Variants in HPS5 observed in about 807,000 individuals in gnomAD.
The protein encoded by HPS5 is BLOC-2 complex member HPS5.
Under a neutral mutation model 128.0 loss-of-function variants are expected in HPS5, and 83 were observed. The observed-to-expected ratio is 0.65, with a 90% CI of 0.54 to 0.78. The LOEUF (loss-of-function observed/expected upper bound fraction) is 0.78. HPS5 is among the 30% of genes least tolerant of loss of function. HPS5 has a pLI of 0.00. For synonymous variants in HPS5, 475 were observed against 470.2 expected (o/e 1.01, Z -0.13); for missense variants, 1,281 against 1,326.2 (o/e 0.97, Z 0.53).
chr11:18,302,831 G>GGGGGGGGGGGGGGGGGA (rs1554940156), intron 8 of HPS5, among the ~76,000 whole-genome samples: 1 of 26,868 alleles, frequency 3.7e-5, no homozygotes, highest in African/African-American at 3.0e-4. Context: ...GCGGGGGGGG[G>GGGGGGGGGGGGGGGGGA]GGGGGTGTCA....
chr11:18,300,037 G>A (rs1261311831), intron 9 of HPS5, among the ~76,000 whole-genome samples: 1 of 152,156 alleles, frequency 6.6e-6, no homozygotes, highest in Non-Finnish European at 1.5e-5. Context: ...TAGCTAGATA[G>A]GAGGAATAAA....
chr11:18,319,752 A>G (rs542305224), intron 1 of HPS5, among the ~76,000 whole-genome samples: 1 of 152,330 alleles, frequency 6.6e-6, no homozygotes, highest in South Asian at 2.1e-4. Flanking sequence ...GGTGGGTGAT[A>G]TGAAAATGAG....
At position 18,300,843 on chromosome 11, in the gene HPS5, A is replaced by G. The variant is rs772846783; in HGVS notation, c.970T>C (p.Trp324Arg). 6 of 1,571,360 alleles carry G rather than the reference A, an allele frequency of 3.8e-6. No individual in the cohort carries two copies. The Admixed American group carries it at 8.3e-5, about 22-fold the overall frequency. ...FIPQNVQVLL[W>R]SEVKDIQDVA... ...ATATAATTACCTTTGACTTCACTCC[A>G]AAGAAGAACTTGAACATTCTGAGGA... Residue 324 changes from tryptophan (W) to arginine (R), a missense_variant, in exon 9 of 23, where the codon TGG becomes CGG. Coordinates refer to ENST00000349215, the MANE Select transcript of HPS5 (RefSeq NM_181507.2).
At chr11:18,293,907 A>C (rs980632620) in intron 14 of HPS5, among the ~76,000 whole-genome samples, 3 of 151,138 alleles carry the variant, frequency 2.0e-5, no homozygotes, top group African/African-American at 7.3e-5. Context: ...GCTGCATTAA[A>C]TGCCATGTCA....
chr11:18,309,131 T>C, intron 5 of HPS5, 52 bp from the exon 6 acceptor site: 6 of 1,523,318 alleles, frequency 3.9e-6, no homozygotes, highest in Non-Finnish European at 5.4e-6. Context: ...AACATACACA[T>C]GCAATCTCTT....
chr11:18,310,740 C>T lies in HPS5; in HGVS notation c.477+1G>A. 6.2e-7 allele frequency: 1 copy of T among 1,610,808 alleles called. No homozygotes were observed. The highest frequency in any genetic ancestry group is 8.5e-7 in the Non-Finnish European group (1 of 1,177,240). On this transcript the variant is annotated splice_donor_variant, in intron 5 of 22. Transcript: ENST00000349215. LOFTEE classifies it high-confidence loss of function. ...ACACAAAGAATGGGACTGCTTCTCACCTTTGCTTGTTTAGAAGTATTGAGT... is the reference window on the plus strand; with the variant it reads ...ACACAAAGAATGGGACTGCTTCTCATCTTTGCTTGTTTAGAAGTATTGAGT...
chr11:18,300,678 C>T (rs1861593346), intron 9 of HPS5, 150 bp downstream of exon 9: 1 of 532,498 alleles, frequency 1.9e-6, no homozygotes. Context: ...GCCTGGGTGA[C>T]AGAGCAAGAC....
chr11:18,309,858 C>T (rs1862768883), intron 5 of HPS5, among the ~76,000 whole-genome samples: 1 of 152,100 alleles, frequency 6.6e-6, no homozygotes, highest in Admixed American at 6.5e-5. Context: ...AAAAATTAGC[C>T]AGGCGTGGTG....
Position 18,310,836 on chromosome 11 carries a change from C to T in HPS5, c.382G>A (p.Ala128Thr), listed in dbSNP as rs931684460. 1 of 1,612,734 alleles carries T rather than the reference C, an allele frequency of 6.2e-7. No individual in the cohort carries two copies. Residue 128 changes from alanine (A) to threonine (T), a missense_variant, in exon 5 of 23, where the codon GCT (alanine) becomes ACT (threonine). Ala to Thr is a moderately conservative substitution (Grantham distance 58). Transcript: ENST00000349215. ...SSEHKGRRVT[A>T]LCWDTAILRV... Reference sequence around the variant, plus strand: ...AGAATAGCTGTATCCCAGCAGAGAGCTGTGACTCTTCGGCCTTTGTGTTCT... The same window carrying T: ...AGAATAGCTGTATCCCAGCAGAGAGTTGTGACTCTTCGGCCTTTGTGTTCT...
At chr11:18,315,474 G>T (rs966495147) in intron 2 of HPS5, among the ~76,000 whole-genome samples, 2 of 152,094 alleles carry the variant, frequency 1.3e-5, no homozygotes, top group African/African-American at 4.8e-5. Context: ...TTAGCCGGGC[G>T]TGGTGGCAGG....
At chr11:18,298,320 C>T (rs113886689) in intron 10 of HPS5, among the ~76,000 whole-genome samples, 99 of 151,744 alleles carry the variant, frequency 6.5e-4, no homozygotes, top group African/African-American at 2.4e-3. Flanking sequence ...GGTGAAACCC[C>T]GTCTCTACTA....
intron 2 of HPS5, among the ~76,000 whole-genome samples, chr11:18,315,413 G>A (rs1165415137): frequency 6.6e-6 from 1 of 152,084 alleles, no homozygotes; most frequent in Non-Finnish European, 1.5e-5. Flanking sequence ...AGGAGTTTGG[G>A]ACGAGCCTGG....
intron 15 of HPS5, 79 bp from the exon 16 acceptor site, chr11:18,292,098 C>G: frequency 9.1e-7 from 1 of 1,096,892 alleles, no homozygotes; most frequent in East Asian, 2.4e-5. Context: ...AATAAATTAA[C>G]CTAACCAATG....
chr11:18,317,674 T>G, intron 2 of HPS5, 77 bp downstream of exon 2: 3 of 1,396,284 alleles, frequency 2.1e-6, no homozygotes, highest in Non-Finnish European at 3.0e-6. Context: ...CCACAAAACG[T>G]TAAGGAACTG....
chr11:18,284,373 C>T (rs1191288954), intron 20 of HPS5, among the ~76,000 whole-genome samples: 1 of 152,238 alleles, frequency 6.6e-6, no homozygotes, highest in African/African-American at 2.4e-5. Flanking sequence ...GCATGTCCCA[C>T]TGCATTTTCC....
intron 1 of HPS5, among the ~76,000 whole-genome samples, chr11:18,318,908 CT>C (rs1278353734): frequency 1.3e-5 from 2 of 152,150 alleles, no homozygotes; most frequent in East Asian, 1.9e-4. Context: ...TGATAAAGTT[CT>C]AACCCTCATA....
chr11:18,286,942 A>C, intron 18 of HPS5: 31 of 605,582 alleles, frequency 5.1e-5, no homozygotes, highest in East Asian at 1.4e-4. Context: ...GAGAGAGAGA[A>C]AGAAAGAGAC....
rs1323633617 is a variant in HPS5, at chr11:18,296,105, G to A, written c.1528C>T (p.Pro510Ser). The change falls in exon 13 of 23, where the codon CCA becomes TCA. Residue 510 changes from proline to serine, a missense_variant. By Grantham distance (74) the Pro-to-Ser change is moderately conservative (BLOSUM62 -1). Coordinates refer to ENST00000349215, the MANE Select transcript of HPS5 (RefSeq NM_181507.2). ...TTCTTATCTGTCTCAAACATCACTGGAGCATGAGAAACATTGTCTAATGAA... is the reference window on the plus strand; with the variant it reads ...TTCTTATCTGTCTCAAACATCACTGAAGCATGAGAAACATTGTCTAATGAA... ...HGNEDNVSHA[P>S]VMFETDKNET... 8 of 1,613,218 alleles carry A rather than the reference G, an allele frequency of 5.0e-6. No homozygotes were observed. The highest frequency in any genetic ancestry group is 2.2e-5 in the East Asian group (1 of 44,856).
rs758201430 is a variant in HPS5, at chr11:18,306,249, T to C, written c.710A>G (p.Tyr237Cys). The C allele has an allele frequency of 1.9e-6, 3 of 1,613,834 alleles. No individual in the cohort carries two copies. The highest frequency in any genetic ancestry group is 2.5e-6 in the Non-Finnish European group (3 of 1,179,772). ...RCSGGQQPLI[Y>C]CARPGSRMWE... ...CATCCTAGAGCCTGGGCGAGCACAA[T>C]ATATCAGAGGTTGCTGGCCCCCAGA... The change falls in exon 7 of 23, where the codon TAT becomes TGT. Residue 237 changes from tyrosine (Y) to cysteine (C), a missense_variant. Transcript: ENST00000349215.
Sources: gnomAD v4.1 joint callset for allele counts (sites outside exome capture counted in the v4.1 genomes callset) on GRCh38, gnomAD v4.1.1 for gene constraint, MANE v1.5 for transcripts, NCBI Gene and HGNC (gene_info 2026-07-23, HGNC 2026-07-21) for gene names.